The following CDH18 variants were observed in gnomAD, a reference collection of about 807,000 sequenced individuals.
CDH18 encodes cadherin 18, also known as cadherin-18.
CDH18 carries 31 observed loss-of-function variants against 67.9 expected under a neutral mutation model. That is an observed-to-expected ratio of 0.46 (90% CI 0.34 to 0.62). CDH18 has a LOEUF of 0.62. Ranked by LOEUF, CDH18 falls within the 20% of genes least tolerant of loss-of-function variation. The pLI is 0.01. For synonymous variants in CDH18, 362 were observed against 347.2 expected, an observed-to-expected ratio of 1.04 and a Z score of -0.48; for missense variants, 890 against 975.5, an observed-to-expected ratio of 0.91 and a Z score of 1.17.
Position 20,439,223 on chromosome 5 carries a change from T to C in CDH18, c.-580+136239A>G, listed in dbSNP as rs180906063. On this transcript the variant is annotated intron_variant, in intron 1 of 14. Transcript: ENST00000507958. ...ATATTTTGATTCCCTATAATATTCATTGGGAGTCAACAGCCTCACACAACA... is the reference window on the plus strand; with the variant it reads ...ATATTTTGATTCCCTATAATATTCACTGGGAGTCAACAGCCTCACACAACA... Among the ~76,000 whole-genome samples the C allele has an allele frequency of 2.6e-5, 4 of 151,734 alleles. No homozygotes were observed. In the East Asian group the frequency reaches 5.8e-4, roughly 22 times the overall value.
At chr5:19,587,654 C>CT (rs35589745) in intron 7 of CDH18, among the ~76,000 whole-genome samples, 91,069 of 148,430 alleles carry the variant, frequency 0.61, 28,800 homozygotes, top group South Asian at 0.75. Flanking sequence ...GTCTGTGTGT[C>CT]TTTTTTTTTT....
At chr5:19,880,086 C>T (rs961092039) in intron 2 of CDH18, among the ~76,000 whole-genome samples, 5 of 151,800 alleles carry the variant, frequency 3.3e-5, no homozygotes, top group African/African-American at 1.2e-4. Flanking sequence ...TAGTATGAAC[C>T]AGGCTTCTAT....
intron 1 of CDH18, among the ~76,000 whole-genome samples, chr5:20,426,642 A>C (rs951768463): frequency 6.6e-6 from 1 of 151,100 alleles, no homozygotes; most frequent in South Asian, 2.1e-4. Flanking sequence ...AGCCCGTCAG[A>C]GTCCTAGGCA....
intron 2 of CDH18, chr5:19,878,109 GA>G (rs1488308849): frequency 5.3e-5 from 8 of 152,026 alleles, no homozygotes; most frequent in Admixed American, 3.9e-4. Flanking sequence ...ATAAAAAGGA[GA>G]AAAAAGTTTT....
intron 1 of CDH18, among the ~76,000 whole-genome samples, chr5:20,540,572 T>A (rs568241409): frequency 2.0e-5 from 3 of 152,306 alleles, no homozygotes; most frequent in East Asian, 3.9e-4. Context: ...ATATAATGTT[T>A]TTGAGTGACT....
At chr5:20,550,183 T>C (rs1231110123) in intron 1 of CDH18, among the ~76,000 whole-genome samples, 1 of 152,180 alleles carries the variant, frequency 6.6e-6, no homozygotes, top group African/African-American at 2.4e-5. Context: ...ATTGTTAATG[T>C]GTATTCAAAA....
chr5:19,652,254 T>C (rs999667387), intron 5 of CDH18, among the ~76,000 whole-genome samples: 1 of 152,126 alleles, frequency 6.6e-6, no homozygotes, highest in Non-Finnish European at 1.5e-5. Context: ...TATTATTATT[T>C]TTTACTATTG....
At chr5:20,213,646 G>A (rs1166185018) in intron 2 of CDH18, among the ~76,000 whole-genome samples, 3 of 151,920 alleles carry the variant, frequency 2.0e-5, no homozygotes, top group Non-Finnish European at 4.4e-5. Flanking sequence ...TTTCTAGTTT[G>A]TGTGCAAAGA....
intron 2 of CDH18, among the ~76,000 whole-genome samples, chr5:20,126,292 A>G (rs1027492676): frequency 6.6e-6 from 1 of 152,228 alleles, no homozygotes; most frequent in African/African-American, 2.4e-5. Flanking sequence ...CTTTTCTTAC[A>G]CAATATACAA....
At chr5:20,343,234 C>T (rs886970826) in intron 1 of CDH18, among the ~76,000 whole-genome samples, 1 of 152,188 alleles carries the variant, frequency 6.6e-6, no homozygotes, top group South Asian at 2.1e-4. Context: ...CATTGGCTAA[C>T]TAATCACAAT....
intron 8 of CDH18, 53 bp from the exon 9 acceptor site, chr5:19,544,058 C>T: frequency 1.1e-6 from 1 of 939,372 alleles, no homozygotes; most frequent in East Asian, 2.5e-5. Context: ...GAAAATACAA[C>T]TGAACCAAGG....
chr5:20,304,269 C>A (rs1187417602), intron 1 of CDH18: 99 of 1,603,500 alleles, frequency 6.2e-5, no homozygotes, highest in South Asian at 5.2e-4. Context: ...TCTGCCCGCA[C>A]CAAAAGCTGT....
intron 6 of CDH18, among the ~76,000 whole-genome samples, chr5:19,600,841 T>TA: frequency 6.6e-6 from 1 of 152,034 alleles, no homozygotes; most frequent in East Asian, 1.9e-4. Context: ...TTTAAATGCC[T>TA]AAAAAAACAA....
chr5:20,427,511 T>C (rs1474220902), intron 1 of CDH18, among the ~76,000 whole-genome samples: 2 of 151,264 alleles, frequency 1.3e-5, no homozygotes, highest in Non-Finnish European at 2.9e-5. Context: ...GCAAGAATTC[T>C]AAGACTTTTT....
chr5:19,528,066 T>G (rs562671443), intron 9 of CDH18, among the ~76,000 whole-genome samples: 7 of 151,820 alleles, frequency 4.6e-5, no homozygotes, highest in Non-Finnish European at 8.9e-5. Flanking sequence ...TTGTATTGAT[T>G]ATAAAGTAAA....
chr5:19,510,690 C>T (rs954036019), intron 10 of CDH18, among the ~76,000 whole-genome samples: 1 of 152,064 alleles, frequency 6.6e-6, no homozygotes, highest in East Asian at 1.9e-4. Flanking sequence ...TTATAATCCC[C>T]ATAATCCCCA....
intron 2 of CDH18, among the ~76,000 whole-genome samples, chr5:20,232,861 T>C (rs1246542595): frequency 6.6e-6 from 1 of 152,054 alleles, no homozygotes; most frequent in Non-Finnish European, 1.5e-5. Context: ...GACTACTCTA[T>C]TTATAATTTT....
intron 1 of CDH18, among the ~76,000 whole-genome samples, chr5:20,389,967 C>T (rs1419814203): frequency 6.6e-6 from 1 of 152,126 alleles, no homozygotes; most frequent in Non-Finnish European, 1.5e-5. Context: ...CCCTTCCTTA[C>T]ACCTTATACA....
chr5:19,697,200 A>G (rs1365838845), intron 5 of CDH18, among the ~76,000 whole-genome samples: 2 of 152,194 alleles, frequency 1.3e-5, no homozygotes, highest in Admixed American at 1.3e-4. Context: ...AATATGACCT[A>G]TCTCCCACAT....
Sources: allele counts gnomAD v4.1 joint callset (sites outside exome capture counted in the v4.1 genomes callset), GRCh38; gene constraint gnomAD v4.1.1; transcripts MANE v1.5; gene names NCBI Gene and HGNC (gene_info 2026-07-23, HGNC 2026-07-21).